Variants in SLC6A2 observed in about 807,000 individuals in gnomAD.
SLC6A2 encodes the protein solute carrier family 6 member 2, also known as sodium-dependent noradrenaline transporter.
Under a neutral mutation model 71.7 loss-of-function variants are expected in SLC6A2, and 26 were observed. The ratio of observed to expected loss-of-function variants is 0.36; its 90% CI spans 0.27 to 0.50. SLC6A2 has a LOEUF of 0.50. SLC6A2 is among the 20% of genes least tolerant of loss of function. The probability of loss-of-function intolerance (pLI) is 0.96; values close to 1 mark genes in which losing one functional copy is unlikely to be tolerated. For synonymous variants in SLC6A2, 363 were observed against 337.9 expected, an observed-to-expected ratio of 1.07 and a Z score of -0.82; for missense variants, 581 against 803.9, an observed-to-expected ratio of 0.72 and a Z score of 3.35.
chr16:55,694,119 A>T lies in SLC6A2; in HGVS notation c.1022+6A>T. 6.5e-7 allele frequency: 1 copy of T among 1,537,566 alleles called. No homozygotes were observed. The highest frequency in any genetic ancestry group is 9.0e-7 in the Non-Finnish European group (1 of 1,110,314). ...TTTGACAACAACTGTTACAGGTAAG[A>T]TTCTTCTCAGAATTCTGAGAAGCTC... On this transcript the variant is annotated splice_donor_region_variant and intron_variant, in intron 7 of 14. Coordinates refer to ENST00000568943, the MANE Select transcript of SLC6A2 (RefSeq NM_001172501.3).
At chr16:55,657,540 A>G (rs1376278658) in intron 2 of SLC6A2, among the ~76,000 whole-genome samples, 1 of 152,176 alleles carries the variant, frequency 6.6e-6, no homozygotes, top group East Asian at 1.9e-4. Flanking sequence ...AACACACAAG[A>G]AGAAGCCAGT....
chr16:55,669,031 G>A (rs1390808475), intron 2 of SLC6A2, among the ~76,000 whole-genome samples: 2 of 152,162 alleles, frequency 1.3e-5, no homozygotes, highest in African/African-American at 4.8e-5. Context: ...AATCCAGTGA[G>A]ATCATGCTTG....
At chr16:55,658,617 C>A (rs1239381669) in intron 2 of SLC6A2, among the ~76,000 whole-genome samples, 2 of 152,086 alleles carry the variant, frequency 1.3e-5, no homozygotes, top group Admixed American at 1.3e-4. Context: ...GAAAGTTAAC[C>A]CAAGGTTGGA....
chr16:55,669,519 A>T, intron 2 of SLC6A2, 46 bp from the exon 3 acceptor site: 5 of 1,611,168 alleles, frequency 3.1e-6, no homozygotes, highest in Non-Finnish European at 4.2e-6. Flanking sequence ...CAAGACTGGG[A>T]GGGGCAGGGG....
At chr16:55,692,111 A>C in intron 6 of SLC6A2, 59 bp downstream of exon 6, 1 of 1,596,814 alleles carries the variant, frequency 6.3e-7, no homozygotes, top group South Asian at 1.1e-5. Context: ...TTTCAGGAGA[A>C]GGTGATGATG....
In SLC6A2 at chr16:55,698,476, T is replaced by A. The variant is rs1308020688; in HGVS notation, c.1397T>A (p.Ile466Asn). 1 of 1,613,480 alleles carries A rather than the reference T, an allele frequency of 6.2e-7. No homozygotes were observed. The change falls in exon 11 of 15, where the codon ATT becomes AAT. Residue 466 changes from isoleucine to asparagine, a missense_variant. Coordinates refer to ENST00000568943, the MANE Select transcript of SLC6A2 (RefSeq NM_001172501.3). ...LALFCITKGG[I>N]YVLTLLDTFA... Reference sequence around the variant, plus strand: ...CTTCTCTCCCTGTGCCAGGGTGGAATTTACGTCTTGACCCTCCTGGACACC... The same window carrying A: ...CTTCTCTCCCTGTGCCAGGGTGGAAATTACGTCTTGACCCTCCTGGACACC...
At chr16:55,694,843 G>T (rs1479023454) in intron 7 of SLC6A2, among the ~76,000 whole-genome samples, 1 of 152,192 alleles carries the variant, frequency 6.6e-6, no homozygotes. Flanking sequence ...GGGGGGAGAA[G>T]CGGGACAACA....
Position 55,705,247 on chromosome 16 carries a change from C to T in SLC6A2, c.*2901C>T, listed in dbSNP as rs1157593825. 7.2e-6 allele frequency: 11 copies of T among 1,536,110 alleles called. No homozygotes were observed. The highest frequency in any genetic ancestry group is 9.6e-6 in the Non-Finnish European group (11 of 1,146,784). On this transcript the variant is annotated 3_prime_UTR_variant, in exon 15 of 15. Coordinates refer to ENST00000568943, the MANE Select transcript of SLC6A2 (RefSeq NM_001172501.3). ...ACGAGACAAGGGAGAAGGAGAGCTACCAACTCTTGCCAGATATCCTGCTGA... is the reference window on the plus strand; with the variant it reads ...ACGAGACAAGGGAGAAGGAGAGCTATCAACTCTTGCCAGATATCCTGCTGA...
chr16:55,659,512 G>A (rs748762558), intron 2 of SLC6A2, among the ~76,000 whole-genome samples: 1 of 152,160 alleles, frequency 6.6e-6, no homozygotes, highest in African/African-American at 2.4e-5. Flanking sequence ...ACTCCAAGTT[G>A]TTTGGTGGTT....
chr16:55,666,976 T>G (rs1964767638), intron 2 of SLC6A2, among the ~76,000 whole-genome samples: 1 of 151,080 alleles, frequency 6.6e-6, no homozygotes, highest in African/African-American at 2.4e-5. Flanking sequence ...GTTTATTTGT[T>G]TGTTTTGTTT....
At chr16:55,669,062 C>T (rs1037530207) in intron 2 of SLC6A2, among the ~76,000 whole-genome samples, 12 of 152,106 alleles carry the variant, frequency 7.9e-5, no homozygotes, top group African/African-American at 2.9e-4. Context: ...CCACATATAC[C>T]CCTATGTGAT....
Position 55,687,962 on chromosome 16 carries a change from A to G in SLC6A2, c.783+2681A>G, listed in dbSNP as rs1166772915. On this transcript the variant is annotated intron_variant, in intron 5 of 14. Coordinates refer to ENST00000568943, the MANE Select transcript of SLC6A2 (RefSeq NM_001172501.3). ...AGGAAAGCCCCCATGTAGAAACACA[A>G]TGAGAGAGGAATATGAGTCCCCTCT... 3.3e-5 allele frequency among the ~76,000 whole-genome samples: 5 copies of G among 152,182 alleles called. No homozygotes were observed. In the East Asian group the frequency reaches 5.8e-4, roughly 18 times the overall value.
intron 2 of SLC6A2, among the ~76,000 whole-genome samples, chr16:55,665,274 C>T (rs982498748): frequency 5.3e-5 from 8 of 152,176 alleles, no homozygotes; most frequent in Non-Finnish European, 8.8e-5. Flanking sequence ...TGATTTGTCA[C>T]CTTTAAATGT....
At chr16:55,677,304 A>T (rs753623353) in intron 4 of SLC6A2, among the ~76,000 whole-genome samples, 1 of 141,486 alleles carries the variant, frequency 7.1e-6, no homozygotes, top group Non-Finnish European at 1.5e-5. Context: ...CTGCCGACAC[A>T]TGTGATTGGT....
At position 55,702,062 on chromosome 16, in the gene SLC6A2, C is replaced by G. The variant is rs147460178; in HGVS notation, c.1830+128C>G. 200 of 822,218 alleles carry G rather than the reference C, an allele frequency of 2.4e-4. No individual in the cohort carries two copies. The African/African-American group carries it at 3.1e-3, about 13-fold the overall frequency. 50.9% of individuals were successfully genotyped at this position (822,218 alleles called of 1,614,324 possible). On this transcript the variant is annotated intron_variant, in intron 14 of 14. Coordinates refer to ENST00000568943, the MANE Select transcript of SLC6A2 (RefSeq NM_001172501.3). ...GAAACCCAGTGTGAGCTGCCTTTTCCCCTTGGAAACATCGGGATGGGGGAC... is the reference window on the plus strand; with the variant it reads ...GAAACCCAGTGTGAGCTGCCTTTTCGCCTTGGAAACATCGGGATGGGGGAC...
Position 55,692,179 on chromosome 16 carries a change from C to A in SLC6A2, c.918+127C>A. 4 of 1,132,812 alleles carry A rather than the reference C, an allele frequency of 3.5e-6. No homozygotes were observed. The South Asian group carries it at 5.0e-5, about 14-fold the overall frequency. 70.2% of individuals were successfully genotyped at this position (1,132,812 alleles called of 1,614,324 possible). ...CAGTGTAGCCTTGGACAGGATCCTT[C>A]CCTGTCTGAGGTGCAGCTTCCCCAT... On this transcript the variant is annotated intron_variant, in intron 6 of 14. Coordinates refer to ENST00000568943, the MANE Select transcript of SLC6A2 (RefSeq NM_001172501.3).
rs1230145471 is a variant in SLC6A2 at position 55,703,913 on chromosome 16, C to T, written c.*1567C>T. On this transcript the variant is annotated 3_prime_UTR_variant, in exon 15 of 15. Transcript: ENST00000568943. ...CTCCCAGGGTCCTGAGGTTTCCTTGCTGGGTCGGGGTCCTCAGGTCATTCT... is the reference window on the plus strand; with the variant it reads ...CTCCCAGGGTCCTGAGGTTTCCTTGTTGGGTCGGGGTCCTCAGGTCATTCT... The T allele has an allele frequency of 2.5e-5, 15 of 590,184 alleles. No homozygotes were observed. In the African/African-American group the frequency reaches 2.6e-4, roughly 10 times the overall value. 36.6% of individuals were successfully genotyped at this position (590,184 alleles called of 1,614,324 possible).
At chr16:55,702,283 C>A (rs768368655) in intron 14 of SLC6A2, 40 bp from the exon 15 acceptor site, 2 of 1,608,936 alleles carry the variant, frequency 1.2e-6, no homozygotes, top group East Asian at 2.2e-5. Flanking sequence ...TCCTTTCTGT[C>A]CCCACCATGT....
At chr16:55,696,136 G>A (rs906499211) in intron 8 of SLC6A2, 89 bp from the exon 9 acceptor site, 33 of 831,432 alleles carry the variant, frequency 4.0e-5, no homozygotes, top group Non-Finnish European at 5.6e-5. Context: ...ACACATGACC[G>A]AACAATTGGG....
Sources: gnomAD v4.1 joint callset for allele counts (sites outside exome capture counted in the v4.1 genomes callset) on GRCh38, gnomAD v4.1.1 for gene constraint, MANE v1.5 for transcripts, NCBI Gene and HGNC (gene_info 2026-07-23, HGNC 2026-07-21) for gene names.